The following MYO1D variants were observed in gnomAD, a reference collection of about 807,000 sequenced individuals.
The protein encoded by MYO1D is myosin ID.
In MYO1D, 83 loss-of-function variants were observed where a neutral mutation model predicts 122.0. The observed-to-expected ratio is 0.68, with a 90% CI of 0.57 to 0.82. MYO1D has a LOEUF of 0.82. Ranked by LOEUF, MYO1D falls within the 40% of genes least tolerant of loss-of-function variation. MYO1D has a pLI of 0.00. For synonymous variants in MYO1D, 464 were observed against 446.9 expected (o/e 1.04, Z -0.48); for missense variants, 1,157 against 1,269.5 (o/e 0.91, Z 1.35).
intron 1 of MYO1D, among the ~76,000 whole-genome samples, chr17:32,818,955 G>A (rs2090637326): frequency 6.6e-6 from 1 of 152,156 alleles, no homozygotes; most frequent in Non-Finnish European, 1.5e-5. Context: ...TAGAGAGATA[G>A]GTTGACGTTA....
At chr17:32,663,172 T>C (rs1468982107) in intron 16 of MYO1D, among the ~76,000 whole-genome samples, 1 of 152,082 alleles carries the variant, frequency 6.6e-6, no homozygotes, top group African/African-American at 2.4e-5. Context: ...CCGCCTTGGC[T>C]TCCCAAAGTG....
At chr17:32,557,274 A>T (rs147595789) in intron 21 of MYO1D, among the ~76,000 whole-genome samples, 36 of 151,850 alleles carry the variant, frequency 2.4e-4, no homozygotes, top group African/African-American at 8.7e-4. Flanking sequence ...GCCCGCTACC[A>T]CGCCCGGCTA....
chr17:32,818,619 G>A (rs1567656864), intron 1 of MYO1D, among the ~76,000 whole-genome samples: 1 of 152,240 alleles, frequency 6.6e-6, no homozygotes, highest in Non-Finnish European at 1.5e-5. Context: ...AGAGTCCAGT[G>A]AAGCATTGCA....
At chr17:32,546,085 A>C (rs2086962739) in intron 21 of MYO1D, among the ~76,000 whole-genome samples, 1 of 152,128 alleles carries the variant, frequency 6.6e-6, no homozygotes, top group African/African-American at 2.4e-5. Flanking sequence ...GCAGATTCAC[A>C]GTCTGGGTCG....
At chr17:32,861,589 T>C (rs1420110262) in intron 1 of MYO1D, among the ~76,000 whole-genome samples, 1 of 152,190 alleles carries the variant, frequency 6.6e-6, no homozygotes, top group African/African-American at 2.4e-5. Context: ...GGATTTTATG[T>C]CCCAAGACCC....
At chr17:32,852,869 C>T (rs2091000968) in intron 1 of MYO1D, among the ~76,000 whole-genome samples, 2 of 152,146 alleles carry the variant, frequency 1.3e-5, no homozygotes, top group Admixed American at 1.3e-4. Context: ...TCACTGTATA[C>T]ATTCTCTAAT....
At chr17:32,771,654 A>C (rs1198144136) in intron 5 of MYO1D, among the ~76,000 whole-genome samples, 1 of 152,202 alleles carries the variant, frequency 6.6e-6, no homozygotes, top group Non-Finnish European at 1.5e-5. Flanking sequence ...GCTGAATCAC[A>C]CTGGAAACAA....
chr17:32,692,751 A>G (rs1420483790), intron 16 of MYO1D, among the ~76,000 whole-genome samples: 9 of 152,194 alleles, frequency 5.9e-5, no homozygotes. Flanking sequence ...GAAACTCCCA[A>G]ACTGAGGATG....
intron 10 of MYO1D, among the ~76,000 whole-genome samples, chr17:32,759,420 TA>T (rs1290403766): frequency 6.6e-6 from 1 of 152,140 alleles, no homozygotes; most frequent in Non-Finnish European, 1.5e-5. Context: ...GTATTTCAAA[TA>T]TTTTTTTGCT....
chr17:32,502,311 A>G (rs1343032579), intron 21 of MYO1D, among the ~76,000 whole-genome samples: 1 of 152,200 alleles, frequency 6.6e-6, no homozygotes, highest in Non-Finnish European at 1.5e-5. Context: ...GGCAGACAAC[A>G]GGCTACATAT....
At chr17:32,583,099 GT>G (rs1244353651) in intron 21 of MYO1D, among the ~76,000 whole-genome samples, 1 of 151,994 alleles carries the variant, frequency 6.6e-6, no homozygotes, top group Admixed American at 6.5e-5. Flanking sequence ...TATCTTTCTT[GT>G]GTCTGAAAAG....
chr17:32,723,646 C>A (rs1236589195), intron 14 of MYO1D, among the ~76,000 whole-genome samples: 1 of 152,066 alleles, frequency 6.6e-6, no homozygotes, highest in Non-Finnish European at 1.5e-5. Flanking sequence ...TCTGCCTGCC[C>A]TCTTGGACCA....
chr17:32,532,718 C>T (rs373824333), intron 21 of MYO1D, among the ~76,000 whole-genome samples: 161 of 108,432 alleles, frequency 1.5e-3, no homozygotes, highest in African/African-American at 6.1e-3. Context: ...AGTGAGACTC[C>T]GTCTCAAAAA....
intron 21 of MYO1D, among the ~76,000 whole-genome samples, chr17:32,584,624 C>G (rs1597912015): frequency 6.6e-6 from 1 of 151,752 alleles, no homozygotes; most frequent in Admixed American, 6.6e-5. Context: ...GTTGGAGTAG[C>G]TGGTACTACA....
At chr17:32,654,780 T>A (rs939135361) in intron 17 of MYO1D, among the ~76,000 whole-genome samples, 159 bp from the exon 18 acceptor site, 2 of 152,030 alleles carry the variant, frequency 1.3e-5, no homozygotes, top group Non-Finnish European at 2.9e-5. Context: ...CAGGTTCAAG[T>A]GATTCTTCTG....
chr17:32,506,386 G>A (rs1909504548), intron 21 of MYO1D, among the ~76,000 whole-genome samples: 1 of 152,206 alleles, frequency 6.6e-6, no homozygotes, highest in Non-Finnish European at 1.5e-5. Context: ...TCTCATTTGG[G>A]AGGAGGGTAG....
At chr17:32,822,514 G>T (rs568020846) in intron 1 of MYO1D, among the ~76,000 whole-genome samples, 1 of 150,892 alleles carries the variant, frequency 6.6e-6, no homozygotes, top group African/African-American at 2.4e-5. Flanking sequence ...CCGCTTCTTC[G>T]GTTCCCGCCT....
intron 21 of MYO1D, among the ~76,000 whole-genome samples, chr17:32,534,248 C>A (rs2150874638): frequency 6.6e-6 from 1 of 152,308 alleles, no homozygotes; most frequent in South Asian, 2.1e-4. Context: ...CTCACTGCAG[C>A]ATTGAATTTC....
intron 21 of MYO1D, among the ~76,000 whole-genome samples, chr17:32,523,083 G>C (rs1312673493): frequency 6.6e-6 from 1 of 152,192 alleles, no homozygotes; most frequent in Non-Finnish European, 1.5e-5. Flanking sequence ...CCAAAGTGCT[G>C]GGATTACAGG....
Sources: gnomAD v4.1 joint callset for allele counts (sites outside exome capture counted in the v4.1 genomes callset) on GRCh38, gnomAD v4.1.1 for gene constraint, MANE v1.5 for transcripts, NCBI Gene and HGNC (gene_info 2026-07-23, HGNC 2026-07-21) for gene names.